Variants in DAB1 observed in about 807,000 individuals in gnomAD.
The protein encoded by DAB1 is DAB adaptor protein 1, also known as disabled homolog 1.
Under a neutral mutation model 64.6 loss-of-function variants are expected in DAB1, and 15 were observed. The ratio of observed to expected loss-of-function variants is 0.23; its 90% CI spans 0.16 to 0.36. The LOEUF (loss-of-function observed/expected upper bound fraction) is 0.36, where lower values mean the gene tolerates loss of function less well. Ranked by LOEUF, DAB1 falls within the 10% of genes least tolerant of loss-of-function variation. DAB1 has a pLI of 1.00. For synonymous variants in DAB1, 235 were observed against 251.9 expected, an observed-to-expected ratio of 0.93 and a Z score of 0.64; for missense variants, 596 against 706.7, an observed-to-expected ratio of 0.84 and a Z score of 1.78.
At chr1:57,588,774 G>A (rs746524267) in intron 7 of DAB1, among the ~76,000 whole-genome samples, 1 of 152,044 alleles carries the variant, frequency 6.6e-6, no homozygotes, top group Non-Finnish European at 1.5e-5. Flanking sequence ...ATAGACCCAC[G>A]CATATCATAA....
At chr1:58,533,850 T>A (rs1246785187) in intron 1 of DAB1, 1 of 741,782 alleles carries the variant, frequency 1.3e-6, no homozygotes, top group African/African-American at 1.8e-5. Flanking sequence ...ACTAAAAGTC[T>A]ATCATTTTTA....
At chr1:58,127,237 C>T (rs376383936) in intron 5 of DAB1, among the ~76,000 whole-genome samples, 5 of 152,022 alleles carry the variant, frequency 3.3e-5, no homozygotes, top group East Asian at 3.9e-4. Flanking sequence ...TCATGTGTTT[C>T]TTGGCTGCAT....
chr1:57,291,209 T>C (rs1672751865), intron 1 of DAB1, 43 bp from the exon 2 acceptor site: 4 of 429,644 alleles, frequency 9.3e-6, no homozygotes, highest in Non-Finnish European at 1.2e-5. Flanking sequence ...ATCACTGTTA[T>C]GAAGTTAAAC....
chr1:57,418,735 T>C (rs566216099), intron 1 of DAB1, among the ~76,000 whole-genome samples: 1 of 152,268 alleles, frequency 6.6e-6, no homozygotes, highest in Non-Finnish European at 1.5e-5. Flanking sequence ...ATTGGTTATA[T>C]GTCAGCTTCA....
At chr1:57,351,181 C>T (rs1448200568) in intron 1 of DAB1, among the ~76,000 whole-genome samples, 3 of 152,114 alleles carry the variant, frequency 2.0e-5, no homozygotes, top group Non-Finnish European at 1.5e-5. Context: ...TAGGGAGTGA[C>T]AGAACTGGAA....
At chr1:57,569,917 T>C (rs767323003) in intron 7 of DAB1, among the ~76,000 whole-genome samples, 2 of 152,164 alleles carry the variant, frequency 1.3e-5, no homozygotes, top group Non-Finnish European at 2.9e-5. Context: ...TTATGTTAGG[T>C]GCAATTACAA....
At chr1:57,850,950 C>T (rs1015532967) in intron 1 of DAB1, among the ~76,000 whole-genome samples, 1 of 152,212 alleles carries the variant, frequency 6.6e-6, no homozygotes, top group East Asian at 1.9e-4. Flanking sequence ...TTTCCTTCCA[C>T]CCCCTGCAAG....
At chr1:58,280,704 T>TA (rs1450991080) in intron 4 of DAB1, among the ~76,000 whole-genome samples, 3 of 152,162 alleles carry the variant, frequency 2.0e-5, no homozygotes, top group Non-Finnish European at 4.4e-5. Flanking sequence ...TTTCTATCTG[T>TA]AATAAAGAAG....
chr1:58,005,151 T>C (rs140320271), intron 5 of DAB1, among the ~76,000 whole-genome samples: 14 of 152,326 alleles, frequency 9.2e-5, no homozygotes, highest in African/African-American at 2.9e-4. Flanking sequence ...TCAATGATTT[T>C]TAGCAAATTT....
Position 57,226,672 on chromosome 1 carries a change from A to AATATATATATAT in DAB1, c.67+64280_67+64291dup, listed in dbSNP as rs61660460. On this transcript the variant is annotated intron_variant, in intron 2 of 14. Coordinates refer to ENST00000371236, the MANE Select transcript of DAB1 (RefSeq NM_001365792.1). ...GTCACTCAAAAGTGGTTAAAAAAAAAATATATATATATATATATATATATA... is the reference window on the plus strand; with the variant it reads ...GTCACTCAAAAGTGGTTAAAAAAAAAATATATATATATATATATATATATATATATATATATA... Among the ~76,000 whole-genome samples, 148 of 135,968 alleles carry AATATATATATAT rather than the reference A, an allele frequency of 1.1e-3. 3 individuals carry two copies. The highest frequency in any genetic ancestry group is 4.2e-3 in the African/African-American group (137 of 32,376). 89.2% of individuals were successfully genotyped at this position (135,968 alleles called of 152,430 possible).
intron 6 of DAB1, among the ~76,000 whole-genome samples, chr1:57,666,548 C>T (rs1032110076): frequency 1.3e-5 from 2 of 152,170 alleles, no homozygotes; most frequent in Admixed American, 6.5e-5. Flanking sequence ...AATTCAATCT[C>T]TTCATGTCAG....
intron 5 of DAB1, chr1:58,047,840 AC>A: frequency 4.1e-6 from 1 of 245,932 alleles, no homozygotes; most frequent in South Asian, 5.3e-5. Context: ...AACCTGAACT[AC>A]TTTTTTTAAG....
intron 2 of DAB1, among the ~76,000 whole-genome samples, chr1:57,155,831 A>G (rs920934180): frequency 1.4e-5 from 2 of 145,524 alleles, no homozygotes; most frequent in African/African-American, 5.1e-5. Context: ...ATTGTTCACT[A>G]TTAGCATATA....
At position 57,920,908 on chromosome 1, in the gene DAB1, C is replaced by G. The variant is rs531100937; in HGVS notation, n.388-36746G>C. On this transcript the variant is annotated intron_variant and non_coding_transcript_variant, in intron 5 of 20. Coordinates refer to the DAB1 transcript ENST00000485760. The stretch of plus-strand genomic sequence containing the variant: ...CCTATCTACCAACAATTTAAATATA[C>G]CCATCCCTTCTGAGCCACAAATTCT... Among the ~76,000 whole-genome samples the G allele has an allele frequency of 2.0e-5, 3 of 152,012 alleles. No individual in the cohort carries two copies. The East Asian group carries it at 5.8e-4, about 29-fold the overall frequency.
intron 7 of DAB1, among the ~76,000 whole-genome samples, chr1:57,546,473 T>C (rs1234820573): frequency 6.6e-6 from 1 of 152,218 alleles, no homozygotes; most frequent in Admixed American, 6.5e-5. Context: ...AACCACTTGC[T>C]AACTGTTTGA....
intron 5 of DAB1, among the ~76,000 whole-genome samples, chr1:57,947,119 T>C (rs1257292573): frequency 6.6e-6 from 1 of 152,074 alleles, no homozygotes; most frequent in Non-Finnish European, 1.5e-5. Context: ...TAGACACCAT[T>C]ACCCCTGTCA....
At chr1:57,749,635 C>A (rs1053582378) in intron 6 of DAB1, among the ~76,000 whole-genome samples, 12 of 151,956 alleles carry the variant, frequency 7.9e-5, no homozygotes, top group Non-Finnish European at 1.2e-4. Context: ...TTTTAGTGGC[C>A]CCTTAATCCA....
At chr1:57,579,844 G>A (rs1215975811) in intron 7 of DAB1, among the ~76,000 whole-genome samples, 1 of 152,120 alleles carries the variant, frequency 6.6e-6, no homozygotes, top group African/African-American at 2.4e-5. Flanking sequence ...ACCAGGCGCA[G>A]GTCAAAAGAG....
At chr1:57,637,681 C>T (rs1646073901) in intron 7 of DAB1, among the ~76,000 whole-genome samples, 1 of 152,146 alleles carries the variant, frequency 6.6e-6, no homozygotes, top group South Asian at 2.1e-4. Context: ...CATGAATCAA[C>T]TTCAATCTTG....
Sources: gnomAD v4.1 joint callset for allele counts (sites outside exome capture counted in the v4.1 genomes callset) on GRCh38, gnomAD v4.1.1 for gene constraint, MANE v1.5 for transcripts, NCBI Gene and HGNC (gene_info 2026-07-23, HGNC 2026-07-21) for gene names.